The following PACS2 variants were observed in gnomAD, a reference collection of about 807,000 sequenced individuals.
The protein encoded by PACS2 is PACS1-like protein.
A neutral mutation model predicts 113.0 loss-of-function variants in PACS2; 36 were observed. The observed-to-expected ratio is 0.32, with a 90% CI of 0.24 to 0.42. The LOEUF is 0.42. Ranked by LOEUF, PACS2 falls within the 10% of genes least tolerant of loss-of-function variation. PACS2 has a pLI of 1.00. For synonymous variants in PACS2, 589 were observed against 536.1 expected (o/e 1.10, Z -1.36); for missense variants, 1,015 against 1,239.5 (o/e 0.82, Z 2.72).
In PACS2 at chr14:105,373,967, CAT is replaced by C. The variant is rs587599437; in HGVS notation, c.802-2799_802-2798del. Among the ~76,000 whole-genome samples, 3 of 152,050 alleles carry C rather than the reference CAT, an allele frequency of 2.0e-5. No individual in the cohort carries two copies. In the East Asian group the frequency reaches 5.8e-4, roughly 29 times the overall value. ...AGGAGATCGAAACCAGCCTGGCTAA[CAT>C]AGTGAAATCCCGTCTCTACTAAAAA... On this transcript the variant is annotated intron_variant, in intron 8 of 24. Coordinates refer to ENST00000447393, the MANE Select transcript of PACS2 (RefSeq NM_001100913.3).
chr14:105,383,049 T>G (rs1359632453), intron 15 of PACS2, 136 bp downstream of exon 15: 1 of 644,594 alleles, frequency 1.6e-6, no homozygotes, highest in Non-Finnish European at 2.8e-6. Context: ...GGCTGACCCA[T>G]GCGCTCTTCG....
intron 1 of PACS2, among the ~76,000 whole-genome samples, chr14:105,335,073 G>T (rs1479919645): frequency 6.6e-6 from 1 of 152,256 alleles, no homozygotes; most frequent in East Asian, 1.9e-4. Context: ...CAGCAGGTCT[G>T]AGGACAGGGC....
At chr14:105,367,999 GC>G in intron 5 of PACS2, 74 bp from the exon 6 acceptor site, 1 of 928,522 alleles carries the variant, frequency 1.1e-6, no homozygotes, top group Non-Finnish European at 1.8e-6. Context: ...GTCCAGGGAA[GC>G]CTGGGGGTGG....
chr14:105,390,221 T>C (rs982812983), intron 20 of PACS2: 1 of 592,406 alleles, frequency 1.7e-6, no homozygotes, highest in South Asian at 1.9e-5. Flanking sequence ...TAGCTCTGCC[T>C]TGGGGGCTGA....
intron 6 of PACS2, 49 bp from the exon 7 acceptor site, chr14:105,368,406 TGCCA>T: frequency 7.1e-7 from 1 of 1,402,260 alleles, no homozygotes; most frequent in Admixed American, 1.7e-5. Flanking sequence ...GGCAGGGTCC[TGCCA>T]GCACTATGCA....
intron 1 of PACS2, among the ~76,000 whole-genome samples, chr14:105,345,543 T>G (rs1271102144): frequency 6.6e-6 from 1 of 152,240 alleles, no homozygotes; most frequent in Non-Finnish European, 1.5e-5. Context: ...GCGTTTTCAT[T>G]TACATTCCAT....
At chr14:105,384,517 GT>G in intron 17 of PACS2, 54 bp downstream of exon 17, 1 of 1,159,046 alleles carries the variant, frequency 8.6e-7, no homozygotes. Context: ...AGGGGCCCCG[GT>G]TTCCCCAGAT....
At chr14:105,305,381 G>A (rs375096770) in intron 1 of PACS2, among the ~76,000 whole-genome samples, 165 of 152,204 alleles carry the variant, frequency 1.1e-3, no homozygotes, top group African/African-American at 3.7e-3. Flanking sequence ...CAGCCTGGGC[G>A]ACAGATTGAG....
rs149897815 is a variant in PACS2 at position 105,365,500 on chromosome 14, G to A, written c.424-1713G>A. On this transcript the variant is annotated intron_variant, in intron 4 of 24. Coordinates refer to ENST00000447393, the MANE Select transcript of PACS2 (RefSeq NM_001100913.3). The surrounding 1 kb of genome is among the most constrained non-coding windows in gnomAD (Gnocchi z 5.1). The stretch of plus-strand genomic sequence containing the variant: ...CACTACAGCCAGCTCCAGGGATCCC[G>A]GCAAAAGCATCTTTGATAAGAGGCC... Among the ~76,000 whole-genome samples the A allele has an allele frequency of 6.6e-6, 1 of 152,128 alleles. No individual in the cohort carries two copies. The highest frequency in any genetic ancestry group is 2.4e-5 in the African/African-American group (1 of 41,428).
At chr14:105,382,312 G>C (rs1471556773) in intron 13 of PACS2, among the ~76,000 whole-genome samples, 165 bp from the exon 14 acceptor site, 1 of 152,176 alleles carries the variant, frequency 6.6e-6, no homozygotes, top group Non-Finnish European at 1.5e-5. Context: ...CTCATTGCTT[G>C]GCTGATTTAG....
At chr14:105,375,630 C>T (rs1242693566) in intron 8 of PACS2, among the ~76,000 whole-genome samples, 3 of 152,164 alleles carry the variant, frequency 2.0e-5, no homozygotes, top group African/African-American at 7.2e-5. Flanking sequence ...CTACTTGATC[C>T]CCACTAGGAT....
At chr14:105,307,344 C>T (rs1479462255) in intron 1 of PACS2, among the ~76,000 whole-genome samples, 1 of 152,182 alleles carries the variant, frequency 6.6e-6, no homozygotes, top group Non-Finnish European at 1.5e-5. Flanking sequence ...GATACCACCC[C>T]CAAGCCCAGA....
chr14:105,386,657 C>A (rs1052820586), intron 19 of PACS2, among the ~76,000 whole-genome samples: 2 of 151,974 alleles, frequency 1.3e-5, no homozygotes, highest in African/African-American at 4.8e-5. Context: ...CCTAGGAAAC[C>A]CCCCCAACCC....
chr14:105,377,024 G>A, intron 9 of PACS2, 99 bp downstream of exon 9: 3 of 1,299,748 alleles, frequency 2.3e-6, no homozygotes, highest in Non-Finnish European at 3.1e-6. Flanking sequence ...CTGGAGACGG[G>A]GTGGGCAGGG....
At chr14:105,362,214 CAA>C (rs1566940618) in intron 4 of PACS2, among the ~76,000 whole-genome samples, 8 of 151,004 alleles carry the variant, frequency 5.3e-5, no homozygotes, top group Non-Finnish European at 1.2e-4. Flanking sequence ...GTCAGGAGAT[CAA>C]GACCATCCTG....
At chr14:105,321,010 A>G (rs1311360200) in intron 1 of PACS2, among the ~76,000 whole-genome samples, 1 of 152,202 alleles carries the variant, frequency 6.6e-6, no homozygotes, top group African/African-American at 2.4e-5. Context: ...AAAATTAGCC[A>G]GGCGTGGTGG....
rs1202522961 is a variant in PACS2, at chr14:105,342,491, A to G, written c.120-6002A>G. On this transcript the variant is annotated intron_variant, in intron 1 of 24. Transcript: ENST00000447393. ...GCCATGTTGGCCAGGCTGGTCTCGAACTCCTGGCCTCAAGTGATCCACCCG... is the reference window on the plus strand; with the variant it reads ...GCCATGTTGGCCAGGCTGGTCTCGAGCTCCTGGCCTCAAGTGATCCACCCG... 3.3e-5 allele frequency among the ~76,000 whole-genome samples: 5 copies of G among 149,534 alleles called. No homozygotes were observed. In the East Asian group the frequency reaches 1.0e-3, roughly 30 times the overall value.
chr14:105,387,722 G>A (rs891918323), intron 19 of PACS2, among the ~76,000 whole-genome samples: 1 of 152,212 alleles, frequency 6.6e-6, no homozygotes, highest in Non-Finnish European at 1.5e-5. Context: ...CATCTGCCAC[G>A]CACTGCCCCA....
intron 18 of PACS2, among the ~76,000 whole-genome samples, chr14:105,385,360 C>T (rs1555413338): frequency 6.6e-6 from 1 of 152,210 alleles, no homozygotes; most frequent in African/African-American, 2.4e-5. Flanking sequence ...ATTCCCTGGG[C>T]CTCGGGCCCT....
Sources: gnomAD v4.1 joint callset for allele counts (sites outside exome capture counted in the v4.1 genomes callset) on GRCh38, gnomAD v4.1.1 for gene constraint, Gnocchi (gnomAD v3.1) non-coding constraint, MANE v1.5 for transcripts, NCBI Gene and HGNC (gene_info 2026-07-23, HGNC 2026-07-21) for gene names.